LPIN2: variants seen among roughly 807,000 people sequenced by gnomAD.
LPIN2 encodes the protein phosphatidate phosphatase LPIN2.
In LPIN2, 55 loss-of-function variants were observed where a neutral mutation model predicts 111.4. The ratio of observed to expected loss-of-function variants is 0.49; its 90% CI spans 0.40 to 0.62. The LOEUF (loss-of-function observed/expected upper bound fraction) is 0.62, where lower values mean the gene tolerates loss of function less well. LPIN2 is among the 20% of genes least tolerant of loss of function. The pLI is 0.00. For missense variants in LPIN2, 992 were observed against 1,112.1 expected (o/e 0.89, Z 1.54); for synonymous variants, 425 against 414.0 (o/e 1.03, Z -0.32).
intron 1 of LPIN2, among the ~76,000 whole-genome samples, chr18:2,968,759 A>G (rs779793257): frequency 6.6e-6 from 1 of 152,206 alleles, no homozygotes; most frequent in Non-Finnish European, 1.5e-5. Flanking sequence ...AGATGCCACA[A>G]GGCCTTTGAC....
intron 4 of LPIN2, among the ~76,000 whole-genome samples, chr18:2,943,696 C>T (rs1253530538): frequency 1.3e-5 from 2 of 152,130 alleles, no homozygotes; most frequent in African/African-American, 4.8e-5. Context: ...TGGAATATAA[C>T]TTGAAAAATT....
intron 1 of LPIN2, among the ~76,000 whole-genome samples, chr18:2,994,095 G>A (rs567944320): frequency 6.6e-6 from 1 of 152,328 alleles, no homozygotes; most frequent in East Asian, 1.9e-4. Flanking sequence ...TTAAAATGAA[G>A]CAGTACAGAC....
intron 2 of LPIN2, among the ~76,000 whole-genome samples, chr18:2,960,174 A>ATATGTGTG (rs1303131816): frequency 7.3e-6 from 1 of 136,542 alleles, no homozygotes; most frequent in African/African-American, 2.8e-5. Context: ...CGACTCAAAA[A>ATATGTGTG]TGTGTGTGTG....
chr18:2,948,426 A>G (rs2143079150), intron 4 of LPIN2: 1 of 152,384 alleles, frequency 6.6e-6, no homozygotes, highest in East Asian at 1.9e-4. Flanking sequence ...TTGGCTTACA[A>G]CATTCGTTTG....
chr18:2,947,148 T>A (rs1438366652), intron 4 of LPIN2, among the ~76,000 whole-genome samples: 1 of 152,220 alleles, frequency 6.6e-6, no homozygotes, highest in African/African-American at 2.4e-5. Flanking sequence ...TTTAAGTAAG[T>A]CTGCTTTAGT....
At chr18:2,954,727 G>A (rs774172535) in intron 2 of LPIN2, 128 bp from the exon 3 acceptor site, 17 of 738,990 alleles carry the variant, frequency 2.3e-5, no homozygotes, top group Non-Finnish European at 3.4e-5. Flanking sequence ...CAGCCTCTGA[G>A]AAACACTGCT....
chr18:3,010,254 T>C (rs2078580912), intron 1 of LPIN2, among the ~76,000 whole-genome samples: 1 of 151,802 alleles, frequency 6.6e-6, no homozygotes, highest in Non-Finnish European at 1.5e-5. Context: ...AAAATCACAG[T>C]TAATTACCAA....
At chr18:2,982,627 A>T (rs2078128801) in intron 1 of LPIN2, 2 of 972,400 alleles carry the variant, frequency 2.1e-6, no homozygotes, top group Non-Finnish European at 2.9e-6. Context: ...CAGATTGAGC[A>T]AGCAGCGAAG....
In LPIN2 at chr18:2,929,168, A is replaced by C. The variant is rs762492589; in HGVS notation, c.1457-10T>G. The C allele has an allele frequency of 6.6e-7, 1 of 1,523,912 alleles. No individual in the cohort carries two copies. The highest frequency in any genetic ancestry group is 1.1e-5 in the South Asian group (1 of 89,168). 94.4% of individuals were successfully genotyped at this position (1,523,912 alleles called of 1,614,324 possible). On this transcript the variant is annotated splice_polypyrimidine_tract_variant and intron_variant, in intron 9 of 19. Transcript: ENST00000677752. ...TGCTCCATGAATTTTTCTGCAATGTAAAATAATAATCAATTTGGTTAGAGA... is the reference window on the plus strand; with the variant it reads ...TGCTCCATGAATTTTTCTGCAATGTCAAATAATAATCAATTTGGTTAGAGA...
At chr18:2,985,132 T>C (rs1350184919) in intron 1 of LPIN2, 1 of 152,232 alleles carries the variant, frequency 6.6e-6, no homozygotes, top group Non-Finnish European at 1.5e-5. Flanking sequence ...CCATCAGAAG[T>C]GAGCTCATTT....
intron 7 of LPIN2, among the ~76,000 whole-genome samples, chr18:2,935,626 T>C (rs2077275251): frequency 6.6e-6 from 1 of 152,174 alleles, no homozygotes; most frequent in African/African-American, 2.4e-5. Context: ...CTTGGTACAA[T>C]TAGGGAAATG....
At chr18:2,927,907 T>C in intron 11 of LPIN2, 96 bp from the exon 12 acceptor site, 1 of 988,670 alleles carries the variant, frequency 1.0e-6, no homozygotes, top group African/African-American at 1.6e-5. Flanking sequence ...TACTATGGAA[T>C]GTGAGAACGT....
chr18:2,982,905 TAAAAA>T (rs879175124), intron 1 of LPIN2: 1 of 274,088 alleles, frequency 3.6e-6, no homozygotes, highest in African/African-American at 2.4e-5. Flanking sequence ...AAATGGTTCT[TAAAAA>T]AAAAAAAAGC....
chr18:2,939,384 G>A, intron 6 of LPIN2, 96 bp downstream of exon 6: 1 of 1,433,858 alleles, frequency 7.0e-7, no homozygotes, highest in Admixed American at 1.7e-5. Context: ...ATTCATGAGA[G>A]CTCAGTCAGA....
At chr18:2,974,243 AT>A (rs1331834640) in intron 1 of LPIN2, among the ~76,000 whole-genome samples, 1 of 151,832 alleles carries the variant, frequency 6.6e-6, no homozygotes, top group Non-Finnish European at 1.5e-5. Flanking sequence ...CGCCCAGCTA[AT>A]TTTTTTGTAT....
In LPIN2 at chr18:2,993,147, G is replaced by T. The variant is rs529053502; in HGVS notation, c.-10+19940C>A. 1.3e-3 allele frequency among the ~76,000 whole-genome samples: 199 copies of T among 150,272 alleles called. 1 individual carries two copies. The highest frequency in any genetic ancestry group is 4.5e-3 in the African/African-American group (182 of 40,842). ...GAAACAGAGCGAGACCCTGACGGAG[G>T]AAGAAAAAAGAAAGAAGAAAGGAAG... On this transcript the variant is annotated intron_variant, in intron 1 of 19. Transcript: ENST00000677752.
At chr18:3,009,457 G>C (rs1223015510) in intron 1 of LPIN2, among the ~76,000 whole-genome samples, 1 of 151,496 alleles carries the variant, frequency 6.6e-6, no homozygotes, top group African/African-American at 2.4e-5. Flanking sequence ...TTTGTTTTTT[G>C]AGACAGAGTC....
chr18:2,933,274 A>G (rs755961123), intron 8 of LPIN2, among the ~76,000 whole-genome samples: 1 of 152,228 alleles, frequency 6.6e-6, no homozygotes, highest in Non-Finnish European at 1.5e-5. Flanking sequence ...GGAGTAAGGT[A>G]TCATCACCTT....
intron 1 of LPIN2, among the ~76,000 whole-genome samples, chr18:2,962,120 A>C (rs901355478): frequency 6.6e-6 from 1 of 152,204 alleles, no homozygotes; most frequent in African/African-American, 2.4e-5. Flanking sequence ...TCTGCTCTTC[A>C]CAGATGAGTG....
Sources: allele counts gnomAD v4.1 joint callset (sites outside exome capture counted in the v4.1 genomes callset), GRCh38; gene constraint gnomAD v4.1.1; transcripts MANE v1.5; gene names NCBI Gene and HGNC (gene_info 2026-07-23, HGNC 2026-07-21).